PTPRG: variants seen among roughly 807,000 people sequenced by gnomAD.
The protein encoded by PTPRG is receptor-type tyrosine-protein phosphatase gamma.
A neutral mutation model predicts 165.3 loss-of-function variants in PTPRG; 102 were observed. The ratio of observed to expected loss-of-function variants is 0.62; its 90% CI spans 0.53 to 0.73. The LOEUF (loss-of-function observed/expected upper bound fraction) is 0.73, where lower values mean the gene tolerates loss of function less well. Among genes scored for constraint, PTPRG ranks in the 30% least tolerant of loss-of-function variants. The pLI is 0.00. For missense variants in PTPRG, 1,866 were observed against 1,861.4 expected (o/e 1.00, Z -0.05); for synonymous variants, 675 against 669.5 (o/e 1.01, Z -0.13).
intron 2 of PTPRG, among the ~76,000 whole-genome samples, chr3:61,924,759 T>A (rs1019640714): frequency 6.6e-6 from 1 of 152,222 alleles, no homozygotes; most frequent in African/African-American, 2.4e-5. Context: ...TCATATGGTC[T>A]CTGCTGCAAC....
At chr3:61,942,865 T>G (rs75602629) in intron 2 of PTPRG, among the ~76,000 whole-genome samples, 2,409 of 152,358 alleles carry the variant, frequency 0.016, 43 homozygotes, top group South Asian at 0.075. Context: ...AAACATGATA[T>G]GAAGAAATGA....
chr3:62,109,313 A>G (rs868047675), intron 5 of PTPRG, among the ~76,000 whole-genome samples: 2 of 152,094 alleles, frequency 1.3e-5, no homozygotes, highest in Non-Finnish European at 2.9e-5. Flanking sequence ...TCTTTTCCCC[A>G]TTGCTTGTGT....
At chr3:61,830,181 T>A (rs1377043426) in intron 2 of PTPRG, among the ~76,000 whole-genome samples, 1 of 152,220 alleles carries the variant, frequency 6.6e-6, no homozygotes, top group Non-Finnish European at 1.5e-5. Flanking sequence ...TCATGTGGCA[T>A]AACCCTGGGA....
At chr3:62,026,570 G>A (rs2041807920) in intron 4 of PTPRG, among the ~76,000 whole-genome samples, 2 of 152,144 alleles carry the variant, frequency 1.3e-5, no homozygotes, top group East Asian at 3.9e-4. Flanking sequence ...ACTTATGCAA[G>A]CCTCAGTTTT....
chr3:61,974,239 G>T (rs11918954), intron 2 of PTPRG, among the ~76,000 whole-genome samples: 81,683 of 151,732 alleles, frequency 0.54, 22,793 homozygotes, highest in African/African-American at 0.69. Flanking sequence ...AACTTTTTTT[G>T]TACCAGTTTT....
chr3:62,041,140 G>A (rs1371694770), intron 4 of PTPRG, among the ~76,000 whole-genome samples: 1 of 152,182 alleles, frequency 6.6e-6, no homozygotes, highest in Non-Finnish European at 1.5e-5. Context: ...ACATACTCAA[G>A]TTTTCTATTC....
At chr3:61,945,247 AC>A (rs1354841032) in intron 2 of PTPRG, among the ~76,000 whole-genome samples, 1 of 152,166 alleles carries the variant, frequency 6.6e-6, no homozygotes, top group East Asian at 1.9e-4. Context: ...GATCCTACTG[AC>A]ACTGAAAGTC....
chr3:62,288,073 G>T (rs1226851623), intron 28 of PTPRG, among the ~76,000 whole-genome samples: 1 of 149,972 alleles, frequency 6.7e-6, no homozygotes, highest in Non-Finnish European at 1.5e-5. Flanking sequence ...ATTTCACAGT[G>T]TCTAAAACTA....
chr3:62,045,435 A>C (rs1048467506), intron 4 of PTPRG, among the ~76,000 whole-genome samples: 1 of 152,228 alleles, frequency 6.6e-6, no homozygotes, highest in Non-Finnish European at 1.5e-5. Context: ...AAGGAAACAA[A>C]TGCAGTTTTC....
intron 4 of PTPRG, among the ~76,000 whole-genome samples, chr3:62,064,627 G>C (rs1700945373): frequency 6.7e-6 from 1 of 149,938 alleles, no homozygotes; most frequent in Non-Finnish European, 1.5e-5. Flanking sequence ...TTGTGGCAAA[G>C]TATTAATATT....
At chr3:62,013,423 C>T (rs911158399) in intron 4 of PTPRG, among the ~76,000 whole-genome samples, 1 of 152,048 alleles carries the variant, frequency 6.6e-6, no homozygotes, top group African/African-American at 2.4e-5. Context: ...CTTCCAACGG[C>T]GGCAACAAAA....
intron 1 of PTPRG, among the ~76,000 whole-genome samples, chr3:61,701,576 A>G (rs2030962337): frequency 6.6e-6 from 1 of 152,172 alleles, no homozygotes; most frequent in Admixed American, 6.5e-5. Flanking sequence ...AAACATTTCT[A>G]ACAATTGTTA....
rs183224408 is a variant in PTPRG, at chr3:61,911,759, G to T, written c.191-77866G>T. On this transcript the variant is annotated intron_variant, in intron 2 of 29. Transcript: ENST00000474889. ...CAAGTTACTTCTTTGAAATTACTGC[G>T]TTTGAACAGCTCTTATTAAAGGCTG... Among the ~76,000 whole-genome samples, 4 of 151,878 alleles carry T rather than the reference G, an allele frequency of 2.6e-5. No homozygotes were observed. The South Asian group carries it at 6.3e-4, about 24-fold the overall frequency.
intron 1 of PTPRG, among the ~76,000 whole-genome samples, chr3:61,674,926 C>A (rs1051474678): frequency 6.6e-6 from 1 of 152,152 alleles, no homozygotes; most frequent in Non-Finnish European, 1.5e-5. Context: ...CATTTTAAAT[C>A]CCCAAATCCA....
At chr3:62,140,440 AC>A (rs1426752895) in intron 6 of PTPRG, among the ~76,000 whole-genome samples, 1 of 152,202 alleles carries the variant, frequency 6.6e-6, no homozygotes, top group Non-Finnish European at 1.5e-5. Flanking sequence ...CAAATAATGA[AC>A]TATATAGATT....
intron 27 of PTPRG, 80 bp downstream of exon 27, chr3:62,281,789 C>A: frequency 7.4e-7 from 1 of 1,347,206 alleles, no homozygotes; most frequent in Non-Finnish European, 1.0e-6. Flanking sequence ...AAATAATTTA[C>A]CACCCTCAAG....
chr3:62,108,321 T>G (rs1171277044), intron 5 of PTPRG, among the ~76,000 whole-genome samples: 2 of 152,190 alleles, frequency 1.3e-5, no homozygotes, highest in African/African-American at 4.8e-5. Flanking sequence ...TGTGATAGTT[T>G]GCTGAGAATG....
At position 62,169,774 on chromosome 3, in the gene PTPRG, G is replaced by A. The variant is rs144168912; in HGVS notation, c.1033+1611G>A. 9.2e-5 allele frequency among the ~76,000 whole-genome samples: 14 copies of A among 152,274 alleles called. No homozygotes were observed. In the East Asian group the frequency reaches 2.3e-3, roughly 25 times the overall value. On this transcript the variant is annotated intron_variant, in intron 8 of 29. Transcript: ENST00000474889. Reference sequence around the variant, plus strand: ...CTTGTGTCATTTATCAACACTGGAGGTAGAGTGGGCTACTGTTAGTGTGGT... The same window carrying A: ...CTTGTGTCATTTATCAACACTGGAGATAGAGTGGGCTACTGTTAGTGTGGT...
intron 2 of PTPRG, among the ~76,000 whole-genome samples, chr3:61,835,437 G>A (rs1390026491): frequency 1.3e-5 from 2 of 151,960 alleles, no homozygotes; most frequent in South Asian, 2.1e-4. Flanking sequence ...GGATTCAAGC[G>A]ATTCTCCTGC....
Sources: gnomAD v4.1 joint callset for allele counts (sites outside exome capture counted in the v4.1 genomes callset) on GRCh38, gnomAD v4.1.1 for gene constraint, MANE v1.5 for transcripts, NCBI Gene and HGNC (gene_info 2026-07-23, HGNC 2026-07-21) for gene names.